The following COL26A1 variants were observed in gnomAD, a reference collection of about 807,000 sequenced individuals.
COL26A1 encodes the protein collagen type XXVI alpha 1 chain.
COL26A1 carries 41 observed loss-of-function variants against 59.3 expected under a neutral mutation model. The observed-to-expected ratio is 0.69, with a 90% CI of 0.54 to 0.90. COL26A1 has a LOEUF of 0.90. Among genes scored for constraint, COL26A1 ranks in the 40% least tolerant of loss-of-function variants. The pLI, the probability that COL26A1 is intolerant of heterozygous loss-of-function variation, is 0.00. For synonymous variants in COL26A1, 266 were observed against 256.0 expected (o/e 1.04, Z -0.37); for missense variants, 612 against 602.3 (o/e 1.02, Z -0.17).
At chr7:101,398,028 T>C (rs58218376) in intron 1 of COL26A1, among the ~76,000 whole-genome samples, 13,337 of 152,210 alleles carry the variant, frequency 0.088, 1,261 homozygotes, top group African/African-American at 0.24. Context: ...TGTCCTTGAA[T>C]GTCATATAAA....
chr7:101,434,032 C>CTCCCT (rs1164705932), intron 2 of COL26A1, among the ~76,000 whole-genome samples: 6 of 132,066 alleles, frequency 4.5e-5, no homozygotes, highest in East Asian at 4.2e-4. Context: ...CTGGTGATTA[C>CTCCCT]TCCCTTCCCT....
At chr7:101,416,117 G>A (rs1368750421) in intron 1 of COL26A1, among the ~76,000 whole-genome samples, 1 of 142,938 alleles carries the variant, frequency 7.0e-6, no homozygotes, top group East Asian at 1.9e-4. Flanking sequence ...AGTTTAGCAG[G>A]GCATGGTGGC....
chr7:101,385,061 C>A (rs1250595127), intron 1 of COL26A1, among the ~76,000 whole-genome samples: 1 of 152,064 alleles, frequency 6.6e-6, no homozygotes, highest in Non-Finnish European at 1.5e-5. Context: ...TCTAGCCACG[C>A]TGGCAGCCGA....
chr7:101,446,855 A>C (rs1315765857), intron 2 of COL26A1, among the ~76,000 whole-genome samples: 2 of 151,610 alleles, frequency 1.3e-5, no homozygotes, highest in Non-Finnish European at 3.0e-5. Flanking sequence ...TCAACTAAAA[A>C]AAAAAAAAAG....
chr7:101,428,403 G>A (rs1165022399), intron 2 of COL26A1, among the ~76,000 whole-genome samples: 1 of 151,800 alleles, frequency 6.6e-6, no homozygotes, highest in African/African-American at 2.4e-5. Context: ...ATTTGAGAAT[G>A]GGCATTGCAA....
In COL26A1 at chr7:101,482,685, G is replaced by A. The variant is rs952873725; in HGVS notation, c.385+34898G>A. Among the ~76,000 whole-genome samples, 10 of 152,232 alleles carry A rather than the reference G, an allele frequency of 6.6e-5. 1 individual carries two copies. The highest frequency in any genetic ancestry group is 2.0e-4 in the Admixed American group (3 of 15,274). On this transcript the variant is annotated intron_variant, in intron 3 of 12. Transcript: ENST00000313669. ...GGCTGAGCATCTCAGGGCTCCTTAGGGTGACTCACGCCTGTAATCCCAGCA... is the reference window on the plus strand; with the variant it reads ...GGCTGAGCATCTCAGGGCTCCTTAGAGTGACTCACGCCTGTAATCCCAGCA...
intron 1 of COL26A1, among the ~76,000 whole-genome samples, chr7:101,407,991 G>T (rs1197947244): frequency 6.6e-6 from 1 of 152,196 alleles, no homozygotes; most frequent in Middle Eastern, 3.2e-3. Flanking sequence ...TGCCTGTGGG[G>T]TAGCCCTACT....
At chr7:101,535,314 A>C (rs1795459168) in intron 4 of COL26A1, among the ~76,000 whole-genome samples, 1 of 152,140 alleles carries the variant, frequency 6.6e-6, no homozygotes, top group African/African-American at 2.4e-5. Context: ...AGATTTTAGA[A>C]AAGGCAGGGT....
intron 3 of COL26A1, among the ~76,000 whole-genome samples, chr7:101,528,004 C>T (rs111389174): frequency 4.6e-5 from 7 of 152,170 alleles, no homozygotes; most frequent in Non-Finnish European, 7.3e-5. Flanking sequence ...AATTGCCTGT[C>T]GATGACAGAT....
intron 1 of COL26A1, among the ~76,000 whole-genome samples, chr7:101,415,151 C>G (rs191010927): frequency 5.0e-5 from 7 of 140,526 alleles, no homozygotes; most frequent in East Asian, 1.9e-4. Flanking sequence ...GATCATAACC[C>G]CCCCCCTTTT....
chr7:101,469,782 G>C (rs765329816), intron 3 of COL26A1, among the ~76,000 whole-genome samples: 1 of 151,884 alleles, frequency 6.6e-6, no homozygotes, highest in African/African-American at 2.4e-5. Context: ...GAACCACCGC[G>C]CCCAGCTGGT....
chr7:101,475,904 TTC>T (rs1174004276), intron 3 of COL26A1, among the ~76,000 whole-genome samples: 35 of 117,872 alleles, frequency 3.0e-4, no homozygotes, highest in Middle Eastern at 9.3e-3. Context: ...TTCTCTCTCT[TTC>T]TCTCTCTCTC....
intron 3 of COL26A1, among the ~76,000 whole-genome samples, chr7:101,502,774 C>T (rs1308214219): frequency 1.3e-5 from 2 of 152,210 alleles, no homozygotes; most frequent in Non-Finnish European, 2.9e-5. Flanking sequence ...GACGCATGCC[C>T]CCCTCTTGTT....
At chr7:101,422,330 G>A (rs1792542270) in intron 2 of COL26A1, among the ~76,000 whole-genome samples, 1 of 121,866 alleles carries the variant, frequency 8.2e-6, no homozygotes, top group African/African-American at 3.0e-5. Context: ...AAAAATGCTG[G>A]TTTTAAATGC....
At chr7:101,390,154 T>A (rs1791692551) in intron 1 of COL26A1, among the ~76,000 whole-genome samples, 27 of 104,006 alleles carry the variant, frequency 2.6e-4, no homozygotes, top group Admixed American at 2.1e-3. Context: ...AAGGGTTTTT[T>A]TTTTTTTTTT....
intron 1 of COL26A1, among the ~76,000 whole-genome samples, chr7:101,411,356 C>T (rs1239495611): frequency 6.6e-6 from 1 of 151,904 alleles, no homozygotes; most frequent in Admixed American, 6.6e-5. Flanking sequence ...GGAAGGCTCG[C>T]GGGAGGGACA....
chr7:101,536,268 G>C (rs954463700), intron 4 of COL26A1, among the ~76,000 whole-genome samples: 4 of 152,244 alleles, frequency 2.6e-5, no homozygotes, highest in African/African-American at 9.6e-5. Flanking sequence ...TGCTCGCCTT[G>C]GCCTCCCAGT....
rs1350178191 is a variant in COL26A1 at position 101,557,544 on chromosome 7, C to T, written c.*14C>T. 6.3e-7 allele frequency: 1 copy of T among 1,598,964 alleles called. No individual in the cohort carries two copies. Among genetic ancestry groups the T allele is most frequent in the Non-Finnish European group, 8.5e-7 (1 of 1,170,086 alleles). On this transcript the variant is annotated 3_prime_UTR_variant, in exon 13 of 13. Transcript: ENST00000313669. Reference sequence around the variant, plus strand: ...AGCAGGAAGTGAGAGCCCACTGCTCCAGGACACCCTGTCCTGGCTAGAGAC... The same window carrying T: ...AGCAGGAAGTGAGAGCCCACTGCTCTAGGACACCCTGTCCTGGCTAGAGAC...
At chr7:101,467,739 C>T (rs1261156789) in intron 3 of COL26A1, among the ~76,000 whole-genome samples, 1 of 151,982 alleles carries the variant, frequency 6.6e-6, no homozygotes, top group East Asian at 1.9e-4. Context: ...TGGTGGCGGG[C>T]GCCTGTAGTC....
Sources: gnomAD v4.1 joint callset for allele counts (sites outside exome capture counted in the v4.1 genomes callset) on GRCh38, gnomAD v4.1.1 for gene constraint, MANE v1.5 for transcripts, NCBI Gene and HGNC (gene_info 2026-07-23, HGNC 2026-07-21) for gene names.